The following ADAT1 variants were observed in gnomAD, a reference collection of about 807,000 sequenced individuals.
The protein encoded by ADAT1 is adenosine deaminase tRNA specific 1.
In ADAT1, 58 loss-of-function variants were observed where a neutral mutation model predicts 58.6. The observed-to-expected ratio is 0.99, with a 90% CI of 0.80 to 1.23. The LOEUF (loss-of-function observed/expected upper bound fraction) is 1.23, where lower values mean the gene tolerates loss of function less well. ADAT1 is among the 50% of genes most tolerant of loss of function. ADAT1 has a pLI of 0.00. For synonymous variants in ADAT1, 254 were observed against 220.8 expected, an observed-to-expected ratio of 1.15 and a Z score of -1.33; for missense variants, 741 against 608.6, an observed-to-expected ratio of 1.22 and a Z score of -2.29.
chr16:75,620,551 G>T, intron 2 of ADAT1, 80 bp downstream of exon 2: 1 of 1,524,804 alleles, frequency 6.6e-7, no homozygotes, highest in Non-Finnish European at 9.0e-7. Context: ...CCCTACCCAC[G>T]ACTGTACCCT....
Position 75,599,639 on chromosome 16 carries a change from T to A in ADAT1, c.*577A>T. ...CAGCTCCAGATCAAAACAGAAAGCC[T>A]TTCCTGATACCTCTGAGAACAAGTC... On this transcript the variant is annotated 3_prime_UTR_variant, in exon 10 of 10. Transcript: ENST00000564657. The A allele has an allele frequency of 1.0e-6, 1 of 985,920 alleles. No individual in the cohort carries two copies. Among genetic ancestry groups the A allele is most frequent in the Non-Finnish European group, 1.2e-6 (1 of 830,006 alleles). The allele number at this position is 985,920 out of a possible 1,614,324, so 61.1% of individuals were successfully genotyped here. A position where few individuals can be genotyped will look rare whatever the true frequency, so the allele number is the denominator to read the frequency against.
rs367704330 is a variant in ADAT1 at position 75,608,966 on chromosome 16, G to T, written c.1066C>A (p.Pro356Thr). 2 of 1,614,048 alleles carry T rather than the reference G, an allele frequency of 1.2e-6. No individual in the cohort carries two copies. Among genetic ancestry groups the T allele is most frequent in the Non-Finnish European group, 1.7e-6 (2 of 1,180,028 alleles). The change falls in exon 7 of 10, where the codon CCA becomes ACA. Residue 356 changes from proline to threonine, a missense_variant. By Grantham distance (38) the Pro-to-Thr change is conservative. Transcript: ENST00000564657. Reference protein sequence around the residue: ...IGRCQNVSALPKGFGVQELKI... With the variant: ...IGRCQNVSALTKGFGVQELKI... The stretch of plus-strand genomic sequence containing the variant: ...AATTCTTGAACTCCGAAGCCTTTTG[G>T]TAAAGCAGACACATTCTGACACCTA...
At position 75,598,707 on chromosome 16, in the gene ADAT1, C is replaced by CG. The variant is rs1567456665; in HGVS notation, c.*1508dup. 6.6e-6 allele frequency among the ~76,000 whole-genome samples: 1 copy of CG among 151,028 alleles called. No homozygotes were observed. The highest frequency in any genetic ancestry group is 2.0e-4 in the East Asian group (1 of 5,062). On this transcript the variant is annotated 3_prime_UTR_variant, in exon 10 of 10. Coordinates refer to ENST00000564657, the MANE Select transcript of ADAT1 (RefSeq NM_001324445.2). ...CTAATTTTTGTATTTTTAGCAGAGA[C>CG]GGGGTTTCATCATGTTGGCCAGACT...
chr16:75,614,951 G>C (rs766740280), intron 5 of ADAT1, among the ~76,000 whole-genome samples: 1 of 152,064 alleles, frequency 6.6e-6, no homozygotes, highest in African/African-American at 2.4e-5. Flanking sequence ...CCGGCCAGGC[G>C]CAGTGGTTCA....
intron 8 of ADAT1, among the ~76,000 whole-genome samples, chr16:75,606,051 T>G (rs1331064021): frequency 1.4e-5 from 2 of 143,046 alleles, no homozygotes; most frequent in South Asian, 4.8e-4. Context: ...TTTTAGAGAT[T>G]GGGGGGGGGG....
Position 75,618,616 on chromosome 16 carries a change from G to GC in ADAT1, c.262dup (p.Ala88GlyfsTer2). ...GAAACTCCTTCTGGCTATGACCTCA[G>GC]CATGGCTATCATTGAGGATGTCTCC... On this transcript the variant is annotated frameshift_variant, in exon 4 of 10. Coordinates refer to ENST00000564657, the MANE Select transcript of ADAT1 (RefSeq NM_001324445.2). LOFTEE classifies it high-confidence loss of function. 2 of 1,612,324 alleles carry GC rather than the reference G, an allele frequency of 1.2e-6. No homozygotes were observed. The highest frequency in any genetic ancestry group is 2.2e-5 in the South Asian group (2 of 90,910).
At chr16:75,621,386 T>G (rs1034946299) in intron 1 of ADAT1, among the ~76,000 whole-genome samples, 1 of 152,048 alleles carries the variant, frequency 6.6e-6, no homozygotes, top group Non-Finnish European at 1.5e-5. Context: ...GGACTTTGGA[T>G]TCACCCTTTC....
At chr16:75,615,184 G>GA (rs11383665) in intron 5 of ADAT1, among the ~76,000 whole-genome samples, 19,526 of 130,740 alleles carry the variant, frequency 0.15, 2,796 homozygotes, top group East Asian at 0.73. Flanking sequence ...CCGAGATCGA[G>GA]AAAAAAAAAA....
chr16:75,606,052 G>C (rs746791799), intron 8 of ADAT1, among the ~76,000 whole-genome samples: 1 of 24,810 alleles, frequency 4.0e-5, no homozygotes, highest in Non-Finnish European at 7.1e-5. Context: ...TTTAGAGATT[G>C]GGGGGGGGGT....
rs143596497 is a variant in ADAT1, at chr16:75,620,270, C to A, written c.234G>T (p.Lys78Asn). Reference sequence around the variant, plus strand: ...TAGATTCCCACCCGTGCTTACCGTTCTTCCTCATTTTGGACTGTCCTATGC... The same window carrying A: ...TAGATTCCCACCCGTGCTTACCGTTATTCCTCATTTTGGACTGTCCTATGC... The part of the protein sequence containing the change: ...TKCIGQSKMR[K>N]NGDILNDSHA... Residue 78 changes from lysine (K) to asparagine (N), a missense_variant, in exon 3 of 10, where the codon AAG becomes AAT. Physicochemically the swap from Lys to Asn is moderately conservative, Grantham distance 94. Transcript: ENST00000564657. The A allele has an allele frequency of 6.2e-7, 1 of 1,614,092 alleles. No homozygotes were observed. The highest frequency in any genetic ancestry group is 8.5e-7 in the Non-Finnish European group (1 of 1,179,942).
intron 6 of ADAT1, among the ~76,000 whole-genome samples, chr16:75,610,762 T>C (rs1255504189): frequency 1.3e-5 from 2 of 152,180 alleles, no homozygotes; most frequent in Non-Finnish European, 1.5e-5. Context: ...CTGCCTCCTT[T>C]AGGGAGACCA....
In ADAT1 at chr16:75,612,390, C is replaced by G. The variant is rs1197367503; in HGVS notation, c.896G>C (p.Cys299Ser). 1 of 1,614,242 alleles carries G rather than the reference C, an allele frequency of 6.2e-7. No individual in the cohort carries two copies. The highest frequency in any genetic ancestry group is 8.5e-7 in the Non-Finnish European group (1 of 1,180,048). The change falls in exon 6 of 10, where the codon TGT (cysteine) becomes TCT (serine). Residue 299 changes from cysteine (C) to serine (S), a missense_variant. Coordinates refer to ENST00000564657, the MANE Select transcript of ADAT1 (RefSeq NM_001324445.2). ...GRGDRTRSMS[C>S]SDKMARWNVL... ...GTTCCATCGGGCCATCTTGTCACTACAGGACATGGAGCGTGTTCTGTCTCC... is the reference window on the plus strand; with the variant it reads ...GTTCCATCGGGCCATCTTGTCACTAGAGGACATGGAGCGTGTTCTGTCTCC...
At chr16:75,621,310 T>C (rs900623236) in intron 1 of ADAT1, among the ~76,000 whole-genome samples, 2 of 142,984 alleles carry the variant, frequency 1.4e-5, no homozygotes, top group Non-Finnish European at 3.0e-5. Flanking sequence ...TACCGCCCTC[T>C]AGTAAATCCC....
chr16:75,601,496 C>T (rs1482598968), intron 9 of ADAT1, among the ~76,000 whole-genome samples: 1 of 152,108 alleles, frequency 6.6e-6, no homozygotes, highest in African/African-American at 2.4e-5. Flanking sequence ...GTGGCTCACG[C>T]CTGTAATCCT....
rs2081176561 is a variant in ADAT1 at position 75,599,845 on chromosome 16, G to A, written c.*371C>T. 4 of 1,000,862 alleles carry A rather than the reference G, an allele frequency of 4.0e-6. No individual in the cohort carries two copies. The highest frequency in any genetic ancestry group is 5.8e-5 in the Admixed American group (1 of 17,196). 62.0% of individuals were successfully genotyped at this position (1,000,862 alleles called of 1,614,324 possible). A position where few individuals can be genotyped will look rare whatever the true frequency, so the allele number is the denominator to read the frequency against. On this transcript the variant is annotated 3_prime_UTR_variant, in exon 10 of 10. Transcript: ENST00000564657. Reference sequence around the variant, plus strand: ...TATGCTAGGCAAAGCTGTAAAACTTGCAGAGCGTCAAACATCATTTCAGCT... The same window carrying A: ...TATGCTAGGCAAAGCTGTAAAACTTACAGAGCGTCAAACATCATTTCAGCT...
intron 8 of ADAT1, among the ~76,000 whole-genome samples, chr16:75,606,226 C>T (rs559015656): frequency 2.0e-5 from 3 of 152,158 alleles, no homozygotes; most frequent in East Asian, 1.9e-4. Context: ...CAAAGAGGAA[C>T]AAAAGCTTAA....
chr16:75,602,386 G>C (rs1179506483), intron 9 of ADAT1, among the ~76,000 whole-genome samples: 1 of 152,216 alleles, frequency 6.6e-6, no homozygotes, highest in Non-Finnish European at 1.5e-5. Flanking sequence ...CTTTTGGCTA[G>C]TACTGATCTG....
chr16:75,606,858 T>C (rs1438209849), intron 8 of ADAT1, among the ~76,000 whole-genome samples: 1 of 152,180 alleles, frequency 6.6e-6, no homozygotes, highest in Non-Finnish European at 1.5e-5. Context: ...TAATACAAGA[T>C]GTGAAAGATT....
At chr16:75,618,672 A>T in intron 3 of ADAT1, 32 bp from the exon 4 acceptor site, 1 of 1,611,624 alleles carries the variant, frequency 6.2e-7, no homozygotes. Context: ...AGGTGAAGAC[A>T]TATGGAAGCT....
Sources: gnomAD v4.1 joint callset for allele counts (sites outside exome capture counted in the v4.1 genomes callset) on GRCh38, gnomAD v4.1.1 for gene constraint, MANE v1.5 for transcripts, NCBI Gene and HGNC (gene_info 2026-07-23, HGNC 2026-07-21) for gene names.